MACROD2: variants seen among roughly 807,000 people sequenced by gnomAD.
MACROD2 encodes ADP-ribose glycohydrolase MACROD2.
Under a neutral mutation model 70.4 loss-of-function variants are expected in MACROD2, and 36 were observed. The observed-to-expected ratio is 0.51, with a 90% CI of 0.39 to 0.68. The LOEUF is 0.68. Ranked by LOEUF, MACROD2 falls within the 30% of genes least tolerant of loss-of-function variation. MACROD2 has a pLI of 0.00. For synonymous variants in MACROD2, 172 were observed against 178.8 expected, an observed-to-expected ratio of 0.96 and a Z score of 0.30; for missense variants, 496 against 538.4, an observed-to-expected ratio of 0.92 and a Z score of 0.78.
chr20:14,725,327 G>A (rs2071515969), intron 5 of MACROD2, among the ~76,000 whole-genome samples: 1 of 152,098 alleles, frequency 6.6e-6, no homozygotes, highest in Non-Finnish European at 1.5e-5. Flanking sequence ...TGGTTTATAA[G>A]TATTGAGAAT....
intron 3 of MACROD2, among the ~76,000 whole-genome samples, chr20:14,375,284 C>T (rs1037717989): frequency 7.2e-5 from 11 of 151,862 alleles, no homozygotes; most frequent in African/African-American, 1.7e-4. Flanking sequence ...TAAGCAAAAA[C>T]AATCATCAGA....
At chr20:14,448,404 C>T (rs1043454954) in intron 3 of MACROD2, among the ~76,000 whole-genome samples, 7 of 151,898 alleles carry the variant, frequency 4.6e-5, no homozygotes, top group Admixed American at 1.3e-4. Context: ...GGGCCAGGCG[C>T]GGTGACTCAT....
intron 15 of MACROD2, among the ~76,000 whole-genome samples, chr20:16,019,699 T>C (rs1436914395): frequency 1.3e-5 from 2 of 152,180 alleles, no homozygotes; most frequent in African/African-American, 4.8e-5. Flanking sequence ...TTGTTAGAAA[T>C]GCAGATTCTT....
At chr20:15,214,453 C>T (rs1026770407) in intron 5 of MACROD2, among the ~76,000 whole-genome samples, 3 of 151,864 alleles carry the variant, frequency 2.0e-5, no homozygotes, top group East Asian at 1.9e-4. Flanking sequence ...TTTGGGAGGC[C>T]GAGATGGGAG....
intron 2 of MACROD2, among the ~76,000 whole-genome samples, chr20:14,055,426 G>A (rs1178533439): frequency 6.7e-6 from 1 of 149,680 alleles, no homozygotes; most frequent in Non-Finnish European, 1.5e-5. Flanking sequence ...GCCTTTGTTT[G>A]GTGTTCTCTT....
At chr20:14,880,537 T>C (rs2122463804) in intron 5 of MACROD2, among the ~76,000 whole-genome samples, 1 of 152,288 alleles carries the variant, frequency 6.6e-6, no homozygotes, top group South Asian at 2.1e-4. Context: ...GCATCTGACA[T>C]GGCTAAAACA....
chr20:14,819,425 T>G (rs1004097139), intron 5 of MACROD2, among the ~76,000 whole-genome samples: 2 of 151,220 alleles, frequency 1.3e-5, no homozygotes, highest in African/African-American at 4.9e-5. Flanking sequence ...AATTCAAGTT[T>G]CATTCACTTT....
At chr20:14,040,095 A>G (rs2053371614) in intron 2 of MACROD2, among the ~76,000 whole-genome samples, 2 of 152,128 alleles carry the variant, frequency 1.3e-5, no homozygotes, top group Admixed American at 1.3e-4. Flanking sequence ...AATTAAGTAC[A>G]GTCGTGTGTT....
At chr20:15,647,208 C>T (rs541807893) in intron 8 of MACROD2, among the ~76,000 whole-genome samples, 2 of 152,138 alleles carry the variant, frequency 1.3e-5, no homozygotes, top group African/African-American at 4.8e-5. Context: ...GTACAAATGT[C>T]ATAGAATTAT....
At chr20:14,458,180 G>A (rs1204398879) in intron 3 of MACROD2, among the ~76,000 whole-genome samples, 6 of 151,856 alleles carry the variant, frequency 4.0e-5, no homozygotes, top group African/African-American at 1.2e-4. Context: ...ATATTTAGAT[G>A]AGGTATCTTA....
At chr20:14,985,141 T>C (rs2074836922) in intron 5 of MACROD2, among the ~76,000 whole-genome samples, 1 of 152,166 alleles carries the variant, frequency 6.6e-6, no homozygotes, top group East Asian at 1.9e-4. Flanking sequence ...GAATTCACAC[T>C]GATGTAATTT....
chr20:14,494,863 C>T (rs936392628), intron 4 of MACROD2, among the ~76,000 whole-genome samples: 1 of 152,100 alleles, frequency 6.6e-6, no homozygotes, highest in Non-Finnish European at 1.5e-5. Context: ...TTTTTTCTCT[C>T]TGTCTCTTGT....
intron 8 of MACROD2, among the ~76,000 whole-genome samples, chr20:15,742,143 A>G (rs567925552): frequency 6.6e-6 from 1 of 152,322 alleles, no homozygotes; most frequent in African/African-American, 2.4e-5. Context: ...TATAAATATT[A>G]TCTGTGTTTC....
intron 3 of MACROD2, among the ~76,000 whole-genome samples, chr20:14,166,329 ATG>A (rs146972968): frequency 1.6e-4 from 24 of 150,362 alleles, no homozygotes; most frequent in African/African-American, 4.1e-4. Flanking sequence ...CCGTGTGTGT[ATG>A]TGTGTGTGTG....
At chr20:15,908,042 A>G (rs978936768) in intron 10 of MACROD2, among the ~76,000 whole-genome samples, 2 of 152,202 alleles carry the variant, frequency 1.3e-5, no homozygotes, top group Admixed American at 6.5e-5. Context: ...TTTTAATACC[A>G]TAAATATATT....
At chr20:15,441,542 G>A (rs1187342876) in intron 7 of MACROD2, among the ~76,000 whole-genome samples, 1 of 152,066 alleles carries the variant, frequency 6.6e-6, no homozygotes, top group Non-Finnish European at 1.5e-5. Context: ...AAAAGATTAA[G>A]TGTTTCACTA....
chr20:15,998,335 G>A (rs2066660283), intron 15 of MACROD2, among the ~76,000 whole-genome samples: 1 of 152,024 alleles, frequency 6.6e-6, no homozygotes, highest in Non-Finnish European at 1.5e-5. Context: ...GGAGGTTTTC[G>A]ATTACTATTT....
intron 8 of MACROD2, among the ~76,000 whole-genome samples, chr20:15,601,645 A>T (rs577547845): frequency 1.3e-5 from 2 of 152,340 alleles, no homozygotes; most frequent in African/African-American, 4.8e-5. Context: ...AGGTATCAAT[A>T]ATAAAGCAAC....
At chr20:14,169,077 C>T (rs1410082123) in intron 3 of MACROD2, among the ~76,000 whole-genome samples, 3 of 152,040 alleles carry the variant, frequency 2.0e-5, no homozygotes, top group South Asian at 2.1e-4. Flanking sequence ...TGTGATACAC[C>T]GCATAAACAG....
Sources: gnomAD v4.1 joint callset for allele counts (sites outside exome capture counted in the v4.1 genomes callset) on GRCh38, gnomAD v4.1.1 for gene constraint, MANE v1.5 for transcripts, NCBI Gene and HGNC (gene_info 2026-07-23, HGNC 2026-07-21) for gene names.